Variants in SCD5 observed in about 807,000 individuals in gnomAD.
SCD5 encodes the protein acyl-CoA-desaturase 4.
SCD5 carries 20 observed loss-of-function variants against 30.4 expected under a neutral mutation model. The ratio of observed to expected loss-of-function variants is 0.66; its 90% confidence interval spans 0.46 to 0.96. The LOEUF (loss-of-function observed/expected upper bound fraction) is 0.96, where lower values mean the gene tolerates loss of function less well. SCD5 is among the 40% of genes least tolerant of loss of function. The pLI is 0.00. For missense variants in SCD5, 381 were observed against 443.3 expected (o/e 0.86, Z 1.26); for synonymous variants, 173 against 176.4 (o/e 0.98, Z 0.16).
At chr4:82,723,562 T>C (rs1180129036) in intron 1 of SCD5, among the ~76,000 whole-genome samples, 1 of 152,244 alleles carries the variant, frequency 6.6e-6, no homozygotes, top group African/African-American at 2.4e-5. Context: ...CTTTCTGATA[T>C]GTTTGATAAG....
At chr4:82,722,507 T>C (rs1390399216) in intron 1 of SCD5, among the ~76,000 whole-genome samples, 3 of 152,218 alleles carry the variant, frequency 2.0e-5, no homozygotes, top group African/African-American at 7.2e-5. Flanking sequence ...CTCACTCCTG[T>C]AATCCCAGCA....
At chr4:82,796,269 C>CAA (rs34612984) in intron 1 of SCD5, among the ~76,000 whole-genome samples, 8,944 of 105,320 alleles carry the variant, frequency 0.085, 687 homozygotes, top group African/African-American at 0.23. Flanking sequence ...GACTCTGTCT[C>CAA]AAAAAAAAAA....
rs1417494952 is a variant in SCD5, at chr4:82,664,985, CTCTCTCTCTCTCTCTA to C, written c.569+15706_569+15721del. 1.3e-4 allele frequency among the ~76,000 whole-genome samples: 14 copies of C among 109,336 alleles called. 1 individual carries two copies. Among genetic ancestry groups the C allele is most frequent in the African/African-American group, 5.3e-4 (11 of 20,682 alleles). The allele number at this position is 109,336 out of a possible 152,430, so 71.7% of individuals were successfully genotyped here. On this transcript the variant is annotated intron_variant, in intron 3 of 4. Transcript: ENST00000319540. ...CATCTCTCTCTCTCTCTCTCTCTCT[CTCTCTCTCTCTCTCTA>C]TATATATATATATATATATGTATAA...
At chr4:82,676,019 T>C (rs1198091896) in intron 3 of SCD5, among the ~76,000 whole-genome samples, 1 of 152,186 alleles carries the variant, frequency 6.6e-6, no homozygotes, top group Non-Finnish European at 1.5e-5. Flanking sequence ...ACAGATATGG[T>C]CAATGAGAGA....
At chr4:82,746,456 A>G (rs1720984179) in intron 1 of SCD5, among the ~76,000 whole-genome samples, 1 of 152,178 alleles carries the variant, frequency 6.6e-6, no homozygotes, top group Non-Finnish European at 1.5e-5. Context: ...CTTTCATCTG[A>G]GACCACGATG....
chr4:82,646,262 A>G (rs1727632245), intron 3 of SCD5, among the ~76,000 whole-genome samples: 1 of 152,220 alleles, frequency 6.6e-6, no homozygotes, highest in South Asian at 2.1e-4. Flanking sequence ...ACAAGGAAAA[A>G]TCATGTGGAT....
At chr4:82,735,057 C>T (rs1720720877) in intron 1 of SCD5, among the ~76,000 whole-genome samples, 1 of 152,180 alleles carries the variant, frequency 6.6e-6, no homozygotes, top group Non-Finnish European at 1.5e-5. Context: ...GTGTGAGCCA[C>T]CACGCCCAGC....
intron 2 of SCD5, among the ~76,000 whole-genome samples, chr4:82,695,993 T>C (rs1323954474): frequency 6.6e-6 from 1 of 152,222 alleles, no homozygotes; most frequent in African/African-American, 2.4e-5. Context: ...CTCTATCAGA[T>C]TGTAAGCTCC....
intron 1 of SCD5, among the ~76,000 whole-genome samples, chr4:82,741,394 G>T (rs1380513594): frequency 6.6e-6 from 1 of 152,140 alleles, no homozygotes; most frequent in Non-Finnish European, 1.5e-5. Context: ...TGTTCTGAAA[G>T]GAAACCATTG....
At chr4:82,648,046 T>A (rs537680308) in intron 3 of SCD5, among the ~76,000 whole-genome samples, 79 of 152,266 alleles carry the variant, frequency 5.2e-4, no homozygotes, top group African/African-American at 1.7e-3. Context: ...TAAACAAAGC[T>A]CAAGTCCACG....
At chr4:82,779,008 G>A (rs571222603) in intron 1 of SCD5, among the ~76,000 whole-genome samples, 2 of 152,006 alleles carry the variant, frequency 1.3e-5, no homozygotes, top group Non-Finnish European at 2.9e-5. Context: ...TGGGATTACA[G>A]GCATGCGCCA....
At chr4:82,724,886 C>T (rs1309424114) in intron 1 of SCD5, among the ~76,000 whole-genome samples, 1 of 152,156 alleles carries the variant, frequency 6.6e-6, no homozygotes, top group East Asian at 1.9e-4. Context: ...CCTCTGAGAG[C>T]AAATGGAACA....
intron 1 of SCD5, among the ~76,000 whole-genome samples, chr4:82,752,522 T>C (rs1318851901): frequency 6.6e-6 from 1 of 152,160 alleles, no homozygotes; most frequent in Non-Finnish European, 1.5e-5. Context: ...TTGGAACAAA[T>C]GGCTGCTTAG....
chr4:82,661,633 G>A (rs760895244), intron 3 of SCD5, among the ~76,000 whole-genome samples: 2 of 152,168 alleles, frequency 1.3e-5, no homozygotes, highest in Admixed American at 6.5e-5. Context: ...TAATCACTCC[G>A]TGTCTTGCCT....
At chr4:82,672,408 T>C (rs929734738) in intron 3 of SCD5, among the ~76,000 whole-genome samples, 1 of 151,956 alleles carries the variant, frequency 6.6e-6, no homozygotes, top group Non-Finnish European at 1.5e-5. Flanking sequence ...AATAAAGAAA[T>C]ACTATGAACA....
chr4:82,636,278 TAAA>T (rs34221980), intron 4 of SCD5, among the ~76,000 whole-genome samples: 4 of 140,364 alleles, frequency 2.8e-5, no homozygotes, highest in African/African-American at 2.6e-5. Flanking sequence ...CCATCTCTAC[TAAA>T]AAAAAAAAAA....
chr4:82,666,974 A>C (rs879366175), intron 3 of SCD5, among the ~76,000 whole-genome samples: 11 of 152,204 alleles, frequency 7.2e-5, no homozygotes, highest in Non-Finnish European at 8.8e-5. Flanking sequence ...CTAGGGGAAA[A>C]TAAATACATA....
At chr4:82,757,438 C>T (rs1293164219) in intron 1 of SCD5, among the ~76,000 whole-genome samples, 1 of 152,152 alleles carries the variant, frequency 6.6e-6, no homozygotes, top group African/African-American at 2.4e-5. Flanking sequence ...CCCTCAGTAC[C>T]TAGCATTCAA....
chr4:82,650,196 T>G (rs1300606195), intron 3 of SCD5, among the ~76,000 whole-genome samples: 2 of 152,134 alleles, frequency 1.3e-5, no homozygotes, highest in African/African-American at 4.8e-5. Flanking sequence ...ACTGGCTCAG[T>G]AAATAGAAAG....
Sources: allele counts gnomAD v4.1 joint callset (sites outside exome capture counted in the v4.1 genomes callset), GRCh38; gene constraint gnomAD v4.1.1; transcripts MANE v1.5; gene names NCBI Gene and HGNC (gene_info 2026-07-23, HGNC 2026-07-21).